The following SPOCK3 variants were observed in gnomAD, a reference collection of about 807,000 sequenced individuals.
SPOCK3 encodes SPARC (osteonectin), cwcv and kazal like domains proteoglycan 3.
A neutral mutation model predicts 56.6 loss-of-function variants in SPOCK3; 30 were observed. That is an observed-to-expected ratio of 0.53 (90% CI 0.40 to 0.72). The LOEUF (loss-of-function observed/expected upper bound fraction) is 0.72. Among genes scored for constraint, SPOCK3 ranks in the 30% least tolerant of loss-of-function variants. The pLI is 0.00. For missense variants in SPOCK3, 527 were observed against 530.0 expected (o/e 0.99, Z 0.06); for synonymous variants, 196 against 183.3 (o/e 1.07, Z -0.56).
intron 6 of SPOCK3, among the ~76,000 whole-genome samples, chr4:166,888,322 G>T (rs79330447): frequency 2.0e-5 from 3 of 152,028 alleles, no homozygotes; most frequent in African/African-American, 7.2e-5. Context: ...ATAATTATTA[G>T]ATTAGAAGAG....
At position 166,941,882 on chromosome 4, in the gene SPOCK3, C is replaced by T. The variant is rs144776411; in HGVS notation, c.351-29139G>A. The stretch of plus-strand genomic sequence containing the variant: ...AGCCCCAGGCAGTCTTGAAATGACT[C>T]CAGCCTAGCCAAAGCTTGAAGACAA... On this transcript the variant is annotated intron_variant, in intron 4 of 10. Transcript: ENST00000357545. 2.4e-3 allele frequency among the ~76,000 whole-genome samples: 367 copies of T among 152,252 alleles called. 1 individual carries two copies. Among genetic ancestry groups the T allele is most frequent in the Middle Eastern group, 6.8e-3 (2 of 294 alleles).
chr4:166,973,746 G>A (rs772350218), intron 4 of SPOCK3, among the ~76,000 whole-genome samples: 2 of 152,134 alleles, frequency 1.3e-5, no homozygotes, highest in African/African-American at 4.8e-5. Context: ...TTGATCACAA[G>A]TTGATTTAAT....
At chr4:166,998,789 A>G (rs1355877042) in intron 4 of SPOCK3, among the ~76,000 whole-genome samples, 1 of 152,118 alleles carries the variant, frequency 6.6e-6, no homozygotes, top group African/African-American at 2.4e-5. Flanking sequence ...CTTTTATGGG[A>G]GATAAACTGA....
chr4:167,149,565 A>C (rs1310459437), intron 2 of SPOCK3, among the ~76,000 whole-genome samples: 3 of 152,106 alleles, frequency 2.0e-5, no homozygotes, highest in Non-Finnish European at 4.4e-5. Flanking sequence ...TCATAATTTT[A>C]CACTGTTAAT....
chr4:166,932,507 TAAAC>T (rs1346747349), intron 4 of SPOCK3, among the ~76,000 whole-genome samples: 1 of 152,170 alleles, frequency 6.6e-6, no homozygotes, highest in Non-Finnish European at 1.5e-5. Flanking sequence ...ACCTTGTTAT[TAAAC>T]AAACTTTCTT....
At chr4:167,056,398 C>T (rs369282754) in intron 3 of SPOCK3, among the ~76,000 whole-genome samples, 15 of 152,172 alleles carry the variant, frequency 9.9e-5, no homozygotes, top group African/African-American at 2.4e-4. Flanking sequence ...TCCAAAGGAA[C>T]GCAGCTCCTC....
At chr4:167,041,514 CCA>C (rs1456553523) in intron 3 of SPOCK3, among the ~76,000 whole-genome samples, 3 of 151,958 alleles carry the variant, frequency 2.0e-5, no homozygotes, top group African/African-American at 4.8e-5. Flanking sequence ...TAAATTATTC[CCA>C]GTTTGTTCTT....
chr4:167,201,116 G>A (rs767660470), intron 2 of SPOCK3, among the ~76,000 whole-genome samples: 1 of 151,972 alleles, frequency 6.6e-6, no homozygotes, highest in Admixed American at 6.6e-5. Context: ...GGAAAGAAAA[G>A]AGAGATAATT....
At chr4:167,082,212 T>C (rs1757770398) in intron 2 of SPOCK3, among the ~76,000 whole-genome samples, 1 of 152,142 alleles carries the variant, frequency 6.6e-6, no homozygotes, top group South Asian at 2.1e-4. Flanking sequence ...AATATTCATG[T>C]CATAGAAATC....
intron 3 of SPOCK3, among the ~76,000 whole-genome samples, chr4:167,050,270 G>T (rs747895350): frequency 4.6e-5 from 7 of 152,120 alleles, no homozygotes; most frequent in Non-Finnish European, 8.8e-5. Flanking sequence ...GAAAATGACA[G>T]AAATGAATTA....
intron 7 of SPOCK3, among the ~76,000 whole-genome samples, chr4:166,775,071 G>T (rs1042213617): frequency 6.6e-6 from 1 of 152,100 alleles, no homozygotes; most frequent in Non-Finnish European, 1.5e-5. Flanking sequence ...TATTTGAGCA[G>T]AAATATAAAG....
intron 2 of SPOCK3, among the ~76,000 whole-genome samples, chr4:167,081,344 T>G (rs1438530239): frequency 6.6e-6 from 1 of 152,032 alleles, no homozygotes; most frequent in Non-Finnish European, 1.5e-5. Context: ...TAACACACTT[T>G]CAGTAAATAA....
intron 2 of SPOCK3, among the ~76,000 whole-genome samples, chr4:167,081,268 T>C (rs9998279): frequency 0.078 from 11,928 of 152,044 alleles, 855 homozygotes; most frequent in African/African-American, 0.2. Context: ...TAATATCACC[T>C]TTGCTGGGCT....
chr4:167,138,993 A>G (rs1763325329), intron 2 of SPOCK3, among the ~76,000 whole-genome samples: 1 of 151,994 alleles, frequency 6.6e-6, no homozygotes. Flanking sequence ...TAAACACAGC[A>G]GTGTCAAAAA....
intron 2 of SPOCK3, among the ~76,000 whole-genome samples, chr4:167,171,073 T>C (rs759204775): frequency 6.6e-6 from 1 of 152,118 alleles, no homozygotes; most frequent in Non-Finnish European, 1.5e-5. Context: ...CTTACCTATA[T>C]TAAGAACAGA....
intron 3 of SPOCK3, among the ~76,000 whole-genome samples, chr4:167,021,008 C>G (rs879150484): frequency 3.3e-5 from 5 of 152,018 alleles, no homozygotes; most frequent in African/African-American, 1.2e-4. Context: ...AAAGTACTGA[C>G]TTTTCCTGAG....
chr4:167,015,520 G>T (rs924666492), intron 3 of SPOCK3, among the ~76,000 whole-genome samples: 4 of 152,086 alleles, frequency 2.6e-5, no homozygotes, highest in African/African-American at 9.7e-5. Flanking sequence ...CTTAAATAGA[G>T]CTGCAATTGC....
At chr4:166,752,784 A>G (rs1736594016) in intron 8 of SPOCK3, among the ~76,000 whole-genome samples, 1 of 152,046 alleles carries the variant, frequency 6.6e-6, no homozygotes, top group South Asian at 2.1e-4. Flanking sequence ...ATGCCTTCTC[A>G]GTTACCCTGA....
intron 2 of SPOCK3, among the ~76,000 whole-genome samples, chr4:167,123,575 G>T (rs7435823): frequency 0.088 from 13,404 of 151,832 alleles, 865 homozygotes; most frequent in Admixed American, 0.22. Context: ...GATGTTCCAT[G>T]GTTCTAGGTT....
Sources: gnomAD v4.1 joint callset for allele counts (sites outside exome capture counted in the v4.1 genomes callset) on GRCh38, gnomAD v4.1.1 for gene constraint, MANE v1.5 for transcripts, NCBI Gene and HGNC (gene_info 2026-07-23, HGNC 2026-07-21) for gene names.